Variants in RBKS observed in about 807,000 individuals in gnomAD.
The protein encoded by RBKS is ribokinase.
RBKS carries 33 observed loss-of-function variants against 33.9 expected under a neutral mutation model. The observed-to-expected ratio is 0.97, with a 90% CI of 0.74 to 1.30. The LOEUF (loss-of-function observed/expected upper bound fraction) is 1.30, where lower values mean the gene tolerates loss of function less well. Among genes scored for constraint, RBKS ranks in the 50% most tolerant of loss-of-function variants. The probability of loss-of-function intolerance (pLI) is 0.00; values close to 1 mark genes in which losing one functional copy is unlikely to be tolerated. For missense variants in RBKS, 361 were observed against 392.6 expected (o/e 0.92, Z 0.68); for synonymous variants, 125 against 143.0 (o/e 0.87, Z 0.90).
At chr2:27,883,200 CTTT>C (rs906350551) in intron 1 of RBKS, among the ~76,000 whole-genome samples, 1 of 140,396 alleles carries the variant, frequency 7.1e-6, no homozygotes. Flanking sequence ...CTGCAGTATT[CTTT>C]TTTTTTTTTT....
At chr2:27,882,039 T>C (rs769589800) in intron 1 of RBKS, among the ~76,000 whole-genome samples, 3 of 152,122 alleles carry the variant, frequency 2.0e-5, no homozygotes, top group Non-Finnish European at 4.4e-5. Context: ...CAAAAGCAAT[T>C]GCAACAAAAG....
At chr2:27,783,328 A>G (rs1236854828) in intron 7 of RBKS, among the ~76,000 whole-genome samples, 1 of 152,212 alleles carries the variant, frequency 6.6e-6, no homozygotes, top group African/African-American at 2.4e-5. Context: ...GTCATCTTGT[A>G]TAGTCCCTGC....
chr2:27,849,147 A>G (rs1233963596), intron 2 of RBKS, among the ~76,000 whole-genome samples: 2 of 152,338 alleles, frequency 1.3e-5, no homozygotes, highest in East Asian at 3.9e-4. Context: ...ATCTGAAGCC[A>G]GCTCTACCAC....
intron 1 of RBKS, among the ~76,000 whole-genome samples, chr2:27,876,393 A>G (rs1558557644): frequency 6.6e-6 from 1 of 152,220 alleles, no homozygotes; most frequent in Non-Finnish European, 1.5e-5. Context: ...GACTCCACCT[A>G]TATGAGATAC....
At chr2:27,861,188 G>A (rs1003928129) in intron 1 of RBKS, among the ~76,000 whole-genome samples, 5 of 151,960 alleles carry the variant, frequency 3.3e-5, no homozygotes, top group Admixed American at 2.6e-4. Context: ...GGCTGGTCTC[G>A]AACTTTTGGC....
At chr2:27,864,255 T>C (rs190240742) in intron 1 of RBKS, among the ~76,000 whole-genome samples, 51 of 152,248 alleles carry the variant, frequency 3.3e-4, no homozygotes, top group Non-Finnish European at 6.0e-4. Context: ...ACTCCTGGCC[T>C]CAAGCAATCC....
At chr2:27,851,612 C>T (rs1363136349) in intron 2 of RBKS, among the ~76,000 whole-genome samples, 1 of 152,034 alleles carries the variant, frequency 6.6e-6, no homozygotes, top group Non-Finnish European at 1.5e-5. Context: ...GATCTCCGCT[C>T]ACTGCAACCT....
intron 2 of RBKS, among the ~76,000 whole-genome samples, chr2:27,855,328 G>T (rs1001188153): frequency 2.0e-5 from 3 of 152,230 alleles, no homozygotes; most frequent in Non-Finnish European, 4.4e-5. Context: ...GTAATTTCTT[G>T]AAGGTGTTTC....
At chr2:27,796,003 C>A (rs1170822834) in intron 7 of RBKS, among the ~76,000 whole-genome samples, 1 of 152,194 alleles carries the variant, frequency 6.6e-6, no homozygotes, top group Non-Finnish European at 1.5e-5. Context: ...CTATCATGTT[C>A]TTCTCTTCCC....
At chr2:27,866,483 C>T (rs914911854) in intron 1 of RBKS, among the ~76,000 whole-genome samples, 1 of 152,098 alleles carries the variant, frequency 6.6e-6, no homozygotes, top group Admixed American at 6.6e-5. Context: ...TTTTTTCAAA[C>T]GCTTTTAGTG....
intron 7 of RBKS, among the ~76,000 whole-genome samples, chr2:27,789,949 G>GTGTATATATA (rs1553374159): frequency 2.6e-4 from 31 of 121,512 alleles, no homozygotes; most frequent in African/African-American, 8.6e-4. Context: ...ATGTATATGT[G>GTGTATATATA]TATATATATA....
intron 1 of RBKS, among the ~76,000 whole-genome samples, chr2:27,884,177 A>C (rs1006715619): frequency 6.6e-6 from 1 of 152,248 alleles, no homozygotes; most frequent in African/African-American, 2.4e-5. Flanking sequence ...TTGACTCTGT[A>C]ACCTGTGTCC....
chr2:27,833,740 G>GTAGATATATATATTACATT (rs1678466898), intron 5 of RBKS, among the ~76,000 whole-genome samples: 2 of 152,170 alleles, frequency 1.3e-5, no homozygotes, highest in Non-Finnish European at 2.9e-5. Context: ...TTTGGTTTGG[G>GTAGATATATATATTACATT]ACTTCGTAAA....
chr2:27,862,559 C>T (rs1664012505), intron 1 of RBKS, among the ~76,000 whole-genome samples: 1 of 152,178 alleles, frequency 6.6e-6, no homozygotes, highest in Non-Finnish European at 1.5e-5. Flanking sequence ...ATGCTGCTCT[C>T]ATTCCACCCC....
At chr2:27,860,863 C>A (rs1050579150) in intron 1 of RBKS, among the ~76,000 whole-genome samples, 1 of 152,194 alleles carries the variant, frequency 6.6e-6, no homozygotes, top group Non-Finnish European at 1.5e-5. Context: ...CTGTCATGTT[C>A]TCCATTTTAT....
In RBKS at chr2:27,795,178, T is replaced by A. The variant is rs943109597; in HGVS notation, c.796-13390A>T. Among the ~76,000 whole-genome samples, 1 of 152,184 alleles carries A rather than the reference T, an allele frequency of 6.6e-6. No homozygotes were observed. The highest frequency in any genetic ancestry group is 6.5e-5 in the Admixed American group (1 of 15,288). On this transcript the variant is annotated intron_variant, in intron 7 of 7. Coordinates refer to ENST00000302188, the MANE Select transcript of RBKS (RefSeq NM_022128.3). The surrounding 1 kb of genome is among the most constrained non-coding windows in gnomAD (Gnocchi z 4.1). ...TTTACAATCCCTTAAAAGTCCTGTG[T>A]GTTCAATTAATGCTTGCTGATGGAC...
chr2:27,786,510 C>T (rs1028742106), intron 7 of RBKS, among the ~76,000 whole-genome samples: 9 of 152,220 alleles, frequency 5.9e-5, no homozygotes, highest in East Asian at 3.9e-4. Flanking sequence ...TGGCTGGGCG[C>T]GGTGGCTCAT....
intron 1 of RBKS, among the ~76,000 whole-genome samples, chr2:27,885,507 C>T (rs184990455): frequency 6.6e-6 from 1 of 152,300 alleles, no homozygotes; most frequent in African/African-American, 2.4e-5. Context: ...ATACTGGACT[C>T]CATGTTCTTC....
intron 1 of RBKS, among the ~76,000 whole-genome samples, chr2:27,864,559 C>T (rs1461214358): frequency 6.6e-6 from 1 of 152,156 alleles, no homozygotes; most frequent in African/African-American, 2.4e-5. Context: ...ACAGGGCTGA[C>T]TTCATTCACA....
Sources: allele counts gnomAD v4.1 joint callset (sites outside exome capture counted in the v4.1 genomes callset), GRCh38; gene constraint gnomAD v4.1.1; non-coding constraint Gnocchi (gnomAD v3.1); transcripts MANE v1.5; gene names NCBI Gene and HGNC (gene_info 2026-07-23, HGNC 2026-07-21).